MUSK: variants seen among roughly 807,000 people sequenced by gnomAD.
MUSK encodes the protein muscle, skeletal receptor tyrosine-protein kinase.
A neutral mutation model predicts 88.7 loss-of-function variants in MUSK; 55 were observed. That is an observed-to-expected ratio of 0.62 (90% CI 0.50 to 0.78). The LOEUF (loss-of-function observed/expected upper bound fraction) is 0.78, where lower values mean the gene tolerates loss of function less well. Among genes scored for constraint, MUSK ranks in the 30% least tolerant of loss-of-function variants. MUSK has a pLI of 0.00. For synonymous variants in MUSK, 387 were observed against 391.9 expected, an observed-to-expected ratio of 0.99 and a Z score of 0.15; for missense variants, 1,015 against 1,074.3, an observed-to-expected ratio of 0.94 and a Z score of 0.77.
intron 5 of MUSK, among the ~76,000 whole-genome samples, chr9:110,722,571 G>C (rs549936085): frequency 6.6e-6 from 1 of 151,688 alleles, no homozygotes; most frequent in Non-Finnish European, 1.5e-5. Context: ...AAACTAAAAA[G>C]CTTCTGTACA....
chr9:110,722,439 G>A (rs956687080), intron 5 of MUSK, among the ~76,000 whole-genome samples: 8 of 151,734 alleles, frequency 5.3e-5, no homozygotes, highest in African/African-American at 1.7e-4. Context: ...CTGAGGCAGA[G>A]GAATCACTTG....
Position 110,800,625 on chromosome 9 carries a change from C to T in MUSK, c.2247C>T (p.Asn749=). ...VKIADFGLSR[N]IYSADYYKAN... Reference sequence around the variant, plus strand: ...TTGCCGACTTTGGCCTCTCCAGGAACATCTACTCAGCAGACTACTACAAAG... The same window carrying T: ...TTGCCGACTTTGGCCTCTCCAGGAATATCTACTCAGCAGACTACTACAAAG... Residue 749 remains asparagine, a synonymous_variant, in exon 15 of 15, where the codon AAC becomes AAT. Coordinates refer to ENST00000374448, the MANE Select transcript of MUSK (RefSeq NM_005592.4). The T allele has an allele frequency of 1.3e-6, 2 of 1,580,214 alleles. No homozygotes were observed. Among genetic ancestry groups the T allele is most frequent in the Non-Finnish European group, 1.7e-6 (2 of 1,157,104 alleles).
chr9:110,756,497 C>T (rs1354629710), intron 7 of MUSK, among the ~76,000 whole-genome samples: 1 of 151,496 alleles, frequency 6.6e-6, no homozygotes, highest in Non-Finnish European at 1.5e-5. Context: ...CCCTCTCACT[C>T]TGCCCTCAGA....
At position 110,800,981 on chromosome 9, in the gene MUSK, G is replaced by C; in HGVS notation, c.2603G>C (p.Ser868Thr). 1 of 1,512,144 alleles carries C rather than the reference G, an allele frequency of 6.6e-7. No individual in the cohort carries two copies. Among genetic ancestry groups the C allele is most frequent in the African/African-American group, 1.4e-5 (1 of 71,734 alleles). 93.7% of individuals were successfully genotyped at this position (1,512,144 alleles called of 1,614,324 possible). A position where few individuals can be genotyped will look rare whatever the true frequency, so the allele number is the denominator to read the frequency against. ...RMCERAEGTV[S>T]V ...TGTGAGAGGGCAGAGGGAACTGTGA[G>C]TGTCTAAGGTTGAAGACGTTCAAAT... The change falls in exon 15 of 15, where the codon AGT becomes ACT. Residue 868 changes from serine (S) to threonine (T), a missense_variant. Coordinates refer to ENST00000374448, the MANE Select transcript of MUSK (RefSeq NM_005592.4).
At chr9:110,767,781 T>C (rs1386930239) in intron 8 of MUSK, 39 bp from the exon 9 acceptor site, 1 of 1,608,700 alleles carries the variant, frequency 6.2e-7, no homozygotes, top group Non-Finnish European at 8.5e-7. Flanking sequence ...TGCCAAGAAA[T>C]AGCATGTGAT....
At position 110,714,105 on chromosome 9, in the gene MUSK, C is replaced by T. The variant is rs145124050; in HGVS notation, c.628+16639C>T. On this transcript the variant is annotated intron_variant, in intron 5 of 14. Transcript: ENST00000374448. Reference sequence around the variant, plus strand: ...CCTCCCATCAAAAACAGAAAATGAACTTTCTTTAAGAAGAAAAAAGTGAAT... The same window carrying T: ...CCTCCCATCAAAAACAGAAAATGAATTTTCTTTAAGAAGAAAAAAGTGAAT... Among the ~76,000 whole-genome samples, 377 of 152,196 alleles carry T rather than the reference C, an allele frequency of 2.5e-3. 2 individuals carry two copies. Among genetic ancestry groups the T allele is most frequent in the African/African-American group, 8.6e-3 (356 of 41,556 alleles).
intron 6 of MUSK, 136 bp from the exon 7 acceptor site, chr9:110,747,505 G>A (rs933398972): frequency 5.5e-5 from 46 of 840,936 alleles, no homozygotes; most frequent in Middle Eastern, 2.6e-4. Flanking sequence ...ACACAGGGAG[G>A]GAAAATCTTT....
At chr9:110,787,889 C>A in intron 14 of MUSK, 51 bp downstream of exon 14, 1 of 1,558,110 alleles carries the variant, frequency 6.4e-7, no homozygotes, top group Non-Finnish European at 8.7e-7. Context: ...CAGAGGCTTT[C>A]CAAGTTTTTC....
intron 3 of MUSK, among the ~76,000 whole-genome samples, chr9:110,689,988 T>C (rs1481511423): frequency 0.014 from 642 of 46,168 alleles, 13 homozygotes; most frequent in African/African-American, 0.07. Context: ...ATAAATATTA[T>C]AATTATATAT....
intron 5 of MUSK, among the ~76,000 whole-genome samples, chr9:110,720,337 A>G (rs1027730037): frequency 6.6e-6 from 1 of 152,124 alleles, no homozygotes; most frequent in Non-Finnish European, 1.5e-5. Flanking sequence ...AAATCGATAG[A>G]CCATTAGCTA....
chr9:110,669,024 G>C, intron 1 of MUSK, 41 bp downstream of exon 1: 2 of 1,532,196 alleles, frequency 1.3e-6, no homozygotes, highest in South Asian at 1.1e-5. Context: ...TCTTGTCATG[G>C]TTGTAAAGTG....
chr9:110,740,359 G>A (rs2077081443), intron 6 of MUSK, among the ~76,000 whole-genome samples: 1 of 152,098 alleles, frequency 6.6e-6, no homozygotes, highest in Admixed American at 6.5e-5. Flanking sequence ...GCTTGCAGAT[G>A]GCTTCACATG....
intron 11 of MUSK, among the ~76,000 whole-genome samples, chr9:110,783,924 G>A (rs1436889743): frequency 6.6e-6 from 1 of 151,704 alleles, no homozygotes; most frequent in African/African-American, 2.4e-5. Context: ...TGATCAAAAA[G>A]TCATTGATTT....
intron 5 of MUSK, among the ~76,000 whole-genome samples, chr9:110,711,373 T>C (rs1424316814): frequency 6.6e-6 from 1 of 152,144 alleles, no homozygotes; most frequent in Admixed American, 6.5e-5. Flanking sequence ...TGAACTAAGG[T>C]TGACTTGATG....
In MUSK at chr9:110,805,454, GT is replaced by G. The variant is rs2078149201; in HGVS notation, c.*4470del. On this transcript the variant is annotated 3_prime_UTR_variant, in exon 15 of 15. Transcript: ENST00000374448. ...CTAATAAAATTGAACATTGTTTAAT[GT>G]TTTGAGGATACTTGATTGGTGATTT... 6.6e-6 allele frequency among the ~76,000 whole-genome samples: 1 copy of G among 151,822 alleles called. No individual in the cohort carries two copies. The highest frequency in any genetic ancestry group is 6.6e-5 in the Admixed American group (1 of 15,238).
chr9:110,676,236 A>T (rs1378314431), intron 1 of MUSK, among the ~76,000 whole-genome samples: 2 of 151,534 alleles, frequency 1.3e-5, no homozygotes, highest in Non-Finnish European at 2.9e-5. Flanking sequence ...ATAGCAAGGG[A>T]TAAGTGCTCT....
chr9:110,703,354 T>A (rs1006196976), intron 5 of MUSK, among the ~76,000 whole-genome samples: 2 of 151,886 alleles, frequency 1.3e-5, no homozygotes. Flanking sequence ...CTGGCCAACA[T>A]TGTGAAACCC....
intron 7 of MUSK, among the ~76,000 whole-genome samples, chr9:110,761,346 A>G (rs2077395148): frequency 1.3e-5 from 2 of 151,980 alleles, no homozygotes; most frequent in African/African-American, 4.8e-5. Context: ...AGGTAGGGAG[A>G]GCAGAACATT....
In MUSK at chr9:110,689,525, C is replaced by G. The variant is rs373110306; in HGVS notation, c.358+2257C>G. On this transcript the variant is annotated intron_variant, in intron 3 of 14. Transcript: ENST00000374448. ...CATATTTATATATAAATATATACAA[C>G]TATATATAAATATATAGTTATATAT... Among the ~76,000 whole-genome samples, 381 of 43,460 alleles carry G rather than the reference C, an allele frequency of 8.8e-3. 6 individuals carry two copies. The highest frequency in any genetic ancestry group is 0.054 in the African/African-American group (366 of 6,802). 28.5% of individuals were successfully genotyped at this position (43,460 alleles called of 152,430 possible).
Sources: allele counts gnomAD v4.1 joint callset (sites outside exome capture counted in the v4.1 genomes callset), GRCh38; gene constraint gnomAD v4.1.1; transcripts MANE v1.5; gene names NCBI Gene and HGNC (gene_info 2026-07-23, HGNC 2026-07-21).